VPS13B: variants seen among roughly 807,000 people sequenced by gnomAD.
The protein encoded by VPS13B is vacuolar protein sorting 13 homolog B.
VPS13B carries 285 observed loss-of-function variants against 426.4 expected under a neutral mutation model. That is an observed-to-expected ratio of 0.67 (90% CI 0.61 to 0.74). VPS13B has a LOEUF of 0.74. Among genes scored for constraint, VPS13B ranks in the 30% least tolerant of loss-of-function variants. The probability of loss-of-function intolerance (pLI) is 0.00; values close to 1 mark genes in which losing one functional copy is unlikely to be tolerated. For synonymous variants in VPS13B, 1,676 were observed against 1,676.4 expected, an observed-to-expected ratio of 1.00 and a Z score of 0.01; for missense variants, 4,537 against 4,782.6, an observed-to-expected ratio of 0.95 and a Z score of 1.51.
intron 17 of VPS13B, chr8:99,234,161 C>G: frequency 1.3e-6 from 1 of 781,220 alleles, no homozygotes; most frequent in Non-Finnish European, 2.4e-6. Context: ...GGGAGCTCAC[C>G]TCTTCATCCA....
intron 13 of VPS13B, among the ~76,000 whole-genome samples, chr8:99,146,859 T>C (rs955793385): frequency 6.6e-6 from 1 of 152,160 alleles, no homozygotes; most frequent in African/African-American, 2.4e-5. Flanking sequence ...CATGAACCAC[T>C]GTGCTGGCAC....
intron 31 of VPS13B, among the ~76,000 whole-genome samples, chr8:99,564,445 A>C (rs551548656): frequency 1.4e-4 from 22 of 152,326 alleles, no homozygotes; most frequent in Middle Eastern, 3.4e-3. Context: ...TGAAACCACC[A>C]GAGAGCTGAT....
intron 3 of VPS13B, among the ~76,000 whole-genome samples, chr8:99,083,441 C>A: frequency 6.6e-6 from 1 of 151,178 alleles, no homozygotes; most frequent in Non-Finnish European, 1.5e-5. Context: ...AATTGAATAC[C>A]CTTTATTTCC....
chr8:99,264,165 C>G (rs1818186465), intron 17 of VPS13B, among the ~76,000 whole-genome samples: 1 of 151,476 alleles, frequency 6.6e-6, no homozygotes, highest in African/African-American at 2.4e-5. Flanking sequence ...TATCTTCTCT[C>G]AATTCCTTCA....
intron 31 of VPS13B, among the ~76,000 whole-genome samples, chr8:99,557,234 C>T (rs1588492237): frequency 6.6e-6 from 1 of 152,110 alleles, no homozygotes; most frequent in East Asian, 1.9e-4. Context: ...TTGGTACACC[C>T]ATCACCTGAG....
chr8:99,745,594 A>G (rs1383642254), intron 39 of VPS13B, among the ~76,000 whole-genome samples: 1 of 152,134 alleles, frequency 6.6e-6, no homozygotes, highest in African/African-American at 2.4e-5. Flanking sequence ...GTGTATATAT[A>G]CAGAGAGAGT....
intron 19 of VPS13B, among the ~76,000 whole-genome samples, chr8:99,289,636 C>T (rs781611706): frequency 6.6e-6 from 1 of 152,132 alleles, no homozygotes; most frequent in African/African-American, 2.4e-5. Flanking sequence ...GAAAAGCAAG[C>T]AGAGCTTAGT....
intron 30 of VPS13B, among the ~76,000 whole-genome samples, chr8:99,551,058 T>A (rs945770159): frequency 2.0e-5 from 3 of 152,108 alleles, no homozygotes; most frequent in East Asian, 3.9e-4. Flanking sequence ...ACACATATTA[T>A]GTTTTTCAAT....
At chr8:99,549,365 T>C (rs1398612092) in intron 30 of VPS13B, among the ~76,000 whole-genome samples, 1 of 152,154 alleles carries the variant, frequency 6.6e-6, no homozygotes, top group Non-Finnish European at 1.5e-5. Flanking sequence ...GCTAAGTCTG[T>C]CTTATTCTCA....
intron 2 of VPS13B, among the ~76,000 whole-genome samples, chr8:99,032,056 A>G (rs1043904890): frequency 3.9e-5 from 6 of 152,230 alleles, no homozygotes; most frequent in African/African-American, 1.2e-4. Flanking sequence ...TTGGATTGCA[A>G]GTATCCACAG....
chr8:99,855,062 A>G (rs1160015059), intron 56 of VPS13B, among the ~76,000 whole-genome samples: 4 of 152,300 alleles, frequency 2.6e-5, no homozygotes, highest in South Asian at 4.1e-4. Context: ...AAAATTTTAT[A>G]GAGGGACTAC....
chr8:99,652,791 C>T (rs1297204523), intron 34 of VPS13B, among the ~76,000 whole-genome samples: 1 of 152,104 alleles, frequency 6.6e-6, no homozygotes, highest in Non-Finnish European at 1.5e-5. Flanking sequence ...ATAATGATCA[C>T]ACTCTGAACA....
chr8:99,211,449 G>C (rs1815084588), intron 17 of VPS13B, among the ~76,000 whole-genome samples: 1 of 152,154 alleles, frequency 6.6e-6, no homozygotes, highest in Admixed American at 6.5e-5. Flanking sequence ...TTTATATTAG[G>C]AAGCTCCAGG....
intron 19 of VPS13B, among the ~76,000 whole-genome samples, chr8:99,354,209 T>C (rs1373732852): frequency 6.7e-6 from 1 of 148,852 alleles, no homozygotes; most frequent in African/African-American, 2.5e-5. Context: ...TAGTTGAAAA[T>C]TTACAACTTT....
intron 35 of VPS13B, among the ~76,000 whole-genome samples, chr8:99,677,281 A>G (rs528558492): frequency 1.2e-4 from 18 of 152,252 alleles, no homozygotes; most frequent in African/African-American, 3.6e-4. Context: ...TCTTAATTCA[A>G]TTTTACAGCC....
At chr8:99,115,493 G>A (rs972593379) in intron 6 of VPS13B, among the ~76,000 whole-genome samples, 5 of 151,904 alleles carry the variant, frequency 3.3e-5, no homozygotes, top group African/African-American at 4.8e-5. Flanking sequence ...GTTTAATATC[G>A]TTTCTATCTA....
At position 99,778,996 on chromosome 8, in the gene VPS13B, C is replaced by T. The variant is rs770711468; in HGVS notation, c.7744C>T (p.His2582Tyr). The T allele has an allele frequency of 4.3e-6, 7 of 1,613,680 alleles. No homozygotes were observed. The South Asian group carries it at 7.7e-5, about 18-fold the overall frequency. The change falls in exon 42 of 62, where the codon CAT becomes TAT. Residue 2582 changes from histidine to tyrosine, a missense_variant. Coordinates refer to ENST00000357162, the MANE Select transcript of VPS13B (RefSeq NM_152564.5). Reference sequence around the variant, plus strand: ...TGTAAACCTTGGACAGCATGTAGTCCATTCACTAAACACTGCAATACAAGC... The same window carrying T: ...TGTAAACCTTGGACAGCATGTAGTCTATTCACTAAACACTGCAATACAAGC... ...VFVNLGQHVV[H>Y]SLNTAIQAWQ...
intron 3 of VPS13B, among the ~76,000 whole-genome samples, chr8:99,089,860 A>G (rs1021165559): frequency 1.3e-5 from 2 of 152,214 alleles, no homozygotes; most frequent in Admixed American, 1.3e-4. Flanking sequence ...CCATTTCAAA[A>G]TATGTATAAG....
intron 19 of VPS13B, among the ~76,000 whole-genome samples, chr8:99,309,662 C>T (rs555157682): frequency 5.8e-4 from 88 of 152,216 alleles, no homozygotes; most frequent in South Asian, 3.3e-3. Flanking sequence ...CTTGGCAATG[C>T]GGGCCCTTTT....
Sources: gnomAD v4.1 joint callset for allele counts (sites outside exome capture counted in the v4.1 genomes callset) on GRCh38, gnomAD v4.1.1 for gene constraint, MANE v1.5 for transcripts, NCBI Gene and HGNC (gene_info 2026-07-23, HGNC 2026-07-21) for gene names.